Variants in CDK14 observed in about 807,000 individuals in gnomAD.
CDK14 encodes the protein cyclin dependent kinase 14, also known as cyclin-dependent kinase 14.
Under a neutral mutation model 60.7 loss-of-function variants are expected in CDK14, and 34 were observed. The observed-to-expected ratio is 0.56, with a 90% confidence interval of 0.43 to 0.75. The LOEUF is 0.75. Ranked by LOEUF, CDK14 falls within the 30% of genes least tolerant of loss-of-function variation. The pLI is 0.00. For missense variants in CDK14, 482 were observed against 564.1 expected, an observed-to-expected ratio of 0.85 and a Z score of 1.47; for synonymous variants, 197 against 203.7, an observed-to-expected ratio of 0.97 and a Z score of 0.28.
chr7:90,874,703 T>C (rs1344623720), intron 6 of CDK14, among the ~76,000 whole-genome samples: 1 of 150,490 alleles, frequency 6.6e-6, no homozygotes, highest in Non-Finnish European at 1.5e-5. Context: ...TAATTTTTTG[T>C]ATTTTTAGTA....
At chr7:90,822,121 GTATT>G (rs1352725783) in intron 5 of CDK14, among the ~76,000 whole-genome samples, 1 of 152,168 alleles carries the variant, frequency 6.6e-6, no homozygotes, top group Non-Finnish European at 1.5e-5. Context: ...CTTGTCTTCA[GTATT>G]TATTTTGGAC....
chr7:91,167,508 C>T (rs950361655), intron 14 of CDK14, among the ~76,000 whole-genome samples: 3 of 152,174 alleles, frequency 2.0e-5, no homozygotes, highest in Non-Finnish European at 4.4e-5. Flanking sequence ...GCTAACTGCC[C>T]AGCTGATTGT....
chr7:91,169,011 C>T (rs903810327), intron 14 of CDK14, among the ~76,000 whole-genome samples: 1 of 152,174 alleles, frequency 6.6e-6, no homozygotes, highest in African/African-American at 2.4e-5. Flanking sequence ...CCATCAGCCT[C>T]GCATGTTTTC....
At chr7:91,127,215 G>A (rs1272190792) in intron 14 of CDK14, among the ~76,000 whole-genome samples, 4 of 152,156 alleles carry the variant, frequency 2.6e-5, no homozygotes, top group Non-Finnish European at 5.9e-5. Context: ...GCAGAGGAGT[G>A]TGGACTATGA....
intron 14 of CDK14, among the ~76,000 whole-genome samples, chr7:91,175,811 A>T (rs1801725581): frequency 6.8e-6 from 1 of 146,122 alleles, no homozygotes; most frequent in African/African-American, 2.5e-5. Flanking sequence ...TCATAAAGCA[A>T]GTCCTGAGTG....
rs139544013 is a variant in CDK14, at chr7:90,884,456, C to T, written c.640-14835C>T. 7.1e-3 allele frequency among the ~76,000 whole-genome samples: 1,077 copies of T among 152,226 alleles called. 21 individuals carry two copies. The highest frequency in any genetic ancestry group is 0.024 in the African/African-American group (1,010 of 41,528). ...GAAAGGGCACAAACAAATGGAAAAA[C>T]ATTCCATGCTCAAGGATAGGAAGAG... On this transcript the variant is annotated intron_variant, in intron 6 of 14. Transcript: ENST00000380050.
intron 2 of CDK14, among the ~76,000 whole-genome samples, chr7:90,683,636 A>G (rs1801369036): frequency 6.6e-6 from 1 of 152,184 alleles, no homozygotes; most frequent in South Asian, 2.1e-4. Flanking sequence ...CCCCATCTCT[A>G]CTAAAAATAC....
intron 2 of CDK14, among the ~76,000 whole-genome samples, chr7:90,689,923 GA>G (rs1306808110): frequency 6.6e-6 from 1 of 152,096 alleles, no homozygotes; most frequent in Non-Finnish European, 1.5e-5. Flanking sequence ...AACAGGAAGG[GA>G]AATTATTGGG....
At chr7:90,714,249 G>A (rs2116658975) in intron 2 of CDK14, among the ~76,000 whole-genome samples, 1 of 152,144 alleles carries the variant, frequency 6.6e-6, no homozygotes, top group South Asian at 2.1e-4. Flanking sequence ...TAACACATTT[G>A]CCCCAGCAGC....
intron 14 of CDK14, among the ~76,000 whole-genome samples, chr7:91,165,253 C>T (rs563051497): frequency 1.3e-5 from 2 of 152,308 alleles, no homozygotes; most frequent in East Asian, 3.9e-4. Flanking sequence ...CTTCCAACCT[C>T]AGAGCATTCA....
At chr7:91,003,938 C>A (rs925848201) in intron 10 of CDK14, among the ~76,000 whole-genome samples, 5 of 152,072 alleles carry the variant, frequency 3.3e-5, no homozygotes, top group Admixed American at 3.3e-4. Context: ...TGATAACTTG[C>A]AGTATACATT....
chr7:91,086,188 G>T (rs1798633387), intron 12 of CDK14, among the ~76,000 whole-genome samples: 1 of 152,050 alleles, frequency 6.6e-6, no homozygotes, highest in African/African-American at 2.4e-5. Flanking sequence ...TTTTATTTTT[G>T]CTTCTCACCC....
At chr7:90,725,743 G>A (rs1802612365) in intron 2 of CDK14, among the ~76,000 whole-genome samples, 2 of 152,100 alleles carry the variant, frequency 1.3e-5, no homozygotes, top group African/African-American at 4.8e-5. Context: ...AGTCTCCAGA[G>A]TATCGGGAGA....
At chr7:90,634,005 T>C (rs991461709) in intron 2 of CDK14, among the ~76,000 whole-genome samples, 4 of 152,296 alleles carry the variant, frequency 2.6e-5, no homozygotes, top group African/African-American at 7.2e-5. Flanking sequence ...GCTGTGAAGG[T>C]ATAAAACTTT....
chr7:90,883,477 A>G (rs1791832952), intron 6 of CDK14, among the ~76,000 whole-genome samples: 1 of 152,206 alleles, frequency 6.6e-6, no homozygotes, highest in Non-Finnish European at 1.5e-5. Context: ...GCCCCGGACC[A>G]GATGGATTCA....
chr7:90,793,065 ATTC>A (rs1454353151), intron 5 of CDK14, among the ~76,000 whole-genome samples: 1 of 152,106 alleles, frequency 6.6e-6, no homozygotes, highest in Non-Finnish European at 1.5e-5. Context: ...TTCCATTATA[ATTC>A]TTATTGGAAT....
chr7:90,813,542 G>A (rs747700356), intron 5 of CDK14, among the ~76,000 whole-genome samples: 1 of 152,132 alleles, frequency 6.6e-6, no homozygotes, highest in Admixed American at 6.5e-5. Flanking sequence ...GAGGTCAGAC[G>A]TTTGAGACCA....
At chr7:90,902,198 A>G (rs903629883) in intron 7 of CDK14, among the ~76,000 whole-genome samples, 5 of 152,104 alleles carry the variant, frequency 3.3e-5, no homozygotes, top group African/African-American at 7.2e-5. Context: ...ATTCAATACA[A>G]TTCCTCAAAA....
intron 11 of CDK14, among the ~76,000 whole-genome samples, chr7:91,060,223 C>T (rs1371682933): frequency 6.7e-6 from 1 of 149,972 alleles, no homozygotes; most frequent in East Asian, 1.9e-4. Flanking sequence ...GATTGCAACC[C>T]CTGCCTTTTT....
Sources: gnomAD v4.1 joint callset for allele counts (sites outside exome capture counted in the v4.1 genomes callset) on GRCh38, gnomAD v4.1.1 for gene constraint, MANE v1.5 for transcripts, NCBI Gene and HGNC (gene_info 2026-07-23, HGNC 2026-07-21) for gene names.